The following PPARGC1B variants were observed in gnomAD, a reference collection of about 807,000 sequenced individuals.
PPARGC1B encodes peroxisome proliferator-activated receptor gamma coactivator 1-beta.
PPARGC1B carries 34 observed loss-of-function variants against 101.6 expected under a neutral mutation model. That is an observed-to-expected ratio of 0.33 (90% CI 0.25 to 0.45). PPARGC1B has a LOEUF of 0.45. Ranked by LOEUF, PPARGC1B falls within the 20% of genes least tolerant of loss-of-function variation. PPARGC1B has a pLI of 1.00. For missense variants in PPARGC1B, 1,234 were observed against 1,317.6 expected, an observed-to-expected ratio of 0.94 and a Z score of 0.98; for synonymous variants, 548 against 539.3, an observed-to-expected ratio of 1.02 and a Z score of -0.22.
chr5:149,765,675 G>A (rs561175610), intron 1 of PPARGC1B, among the ~76,000 whole-genome samples: 2 of 152,102 alleles, frequency 1.3e-5, no homozygotes, highest in East Asian at 1.9e-4. Flanking sequence ...TGGCCAACAC[G>A]GGGAAACTCC....
chr5:149,792,645 A>T (rs1179737382), intron 1 of PPARGC1B, among the ~76,000 whole-genome samples: 1 of 152,168 alleles, frequency 6.6e-6, no homozygotes, highest in African/African-American at 2.4e-5. Flanking sequence ...GTGGGATCAT[A>T]TTCATTTCTA....
At chr5:149,777,060 CCTGAGCCTCAGAAGG>C (rs1328080670) in intron 1 of PPARGC1B, among the ~76,000 whole-genome samples, 1 of 152,156 alleles carries the variant, frequency 6.6e-6, no homozygotes, top group Non-Finnish European at 1.5e-5. Flanking sequence ...AGGTGCTGGG[CCTGAGCCTCAGAAGG>C]TAGTGTGGTT....
chr5:149,731,037 G>GC, intron 1 of PPARGC1B, among the ~76,000 whole-genome samples: 1 of 152,356 alleles, frequency 6.6e-6, no homozygotes, highest in South Asian at 2.1e-4. Context: ...ATCGGGCGGA[G>GC]CCCCCTGGGG....
At chr5:149,771,501 G>C (rs563683425) in intron 1 of PPARGC1B, among the ~76,000 whole-genome samples, 10 of 152,336 alleles carry the variant, frequency 6.6e-5, no homozygotes, top group African/African-American at 2.4e-4. Context: ...GGTCTGAAGG[G>C]CTATGGAGAT....
chr5:149,820,252 C>T (rs186962099), intron 1 of PPARGC1B, among the ~76,000 whole-genome samples, 181 bp from the exon 2 acceptor site: 39 of 152,204 alleles, frequency 2.6e-4, no homozygotes, highest in African/African-American at 8.7e-4. Context: ...ACTGCTGGGG[C>T]CTAGCTTAGC....
intron 1 of PPARGC1B, among the ~76,000 whole-genome samples, chr5:149,737,544 T>C (rs1754766584): frequency 6.6e-6 from 1 of 152,212 alleles, no homozygotes; most frequent in African/African-American, 2.4e-5. Context: ...CCATCTTCTG[T>C]GTGGCAGTAC....
intron 1 of PPARGC1B, among the ~76,000 whole-genome samples, chr5:149,758,185 CGTT>C (rs1755604715): frequency 6.6e-6 from 1 of 152,258 alleles, no homozygotes; most frequent in Non-Finnish European, 1.5e-5. Flanking sequence ...TTGGCCAACT[CGTT>C]GGTGTACTCT....
intron 1 of PPARGC1B, among the ~76,000 whole-genome samples, chr5:149,805,304 C>T (rs1757559385): frequency 6.6e-6 from 1 of 152,086 alleles, no homozygotes; most frequent in Non-Finnish European, 1.5e-5. Flanking sequence ...ATCATAGGGT[C>T]CTTAAATAGC....
At chr5:149,749,765 C>G (rs748984944) in intron 1 of PPARGC1B, among the ~76,000 whole-genome samples, 1 of 152,172 alleles carries the variant, frequency 6.6e-6, no homozygotes, top group Non-Finnish European at 1.5e-5. Flanking sequence ...GGTCTCGCCC[C>G]CTCTCTGGCC....
In PPARGC1B at chr5:149,854,330, GGTGTGTGT is replaced by G. The variant is rs140400331; in HGVS notation, c.*6779_*6786del. The G allele has an allele frequency of 6.6e-6, 1 of 151,280 alleles. No individual in the cohort carries two copies. Among genetic ancestry groups the G allele is most frequent in the Admixed American group, 6.6e-5 (1 of 15,154 alleles). 9.4% of individuals were successfully genotyped at this position (151,280 alleles called of 1,614,324 possible). A position where few individuals can be genotyped will look rare whatever the true frequency, so the allele number is the denominator to read the frequency against. On this transcript the variant is annotated 3_prime_UTR_variant, in exon 12 of 12. Coordinates refer to ENST00000309241, the MANE Select transcript of PPARGC1B (RefSeq NM_133263.4). ...AGTGTAAGGCTGTGTTTGTGGTGGGGGTGTGTGTGTGTGTATCTGTGCACACATACACA... is the reference window on the plus strand; with the variant it reads ...AGTGTAAGGCTGTGTTTGTGGTGGGGGTGTGTATCTGTGCACACATACACA...
Position 149,836,417 on chromosome 5 carries a change from G to A in PPARGC1B, c.1962G>A (p.Leu654=), listed in dbSNP as rs755707754. 2 of 1,614,004 alleles carry A rather than the reference G, an allele frequency of 1.2e-6. No homozygotes were observed. The highest frequency in any genetic ancestry group is 4.5e-5 in the East Asian group (2 of 44,882). Reference sequence around the variant, plus strand: ...CCACCCCAGGGGCTGCCCACAAGCTGCCAAAGAAGCACCCAGAGCGAAGTG... The same window carrying A: ...CCACCCCAGGGGCTGCCCACAAGCTACCAAAGAAGCACCCAGAGCGAAGTG... ...LKATPGAAHK[L]PKKHPERSEL... The change falls in exon 8 of 12, where the codon CTG becomes CTA. Residue 654 remains leucine, a synonymous_variant. Coordinates refer to ENST00000309241, the MANE Select transcript of PPARGC1B (RefSeq NM_133263.4).
At chr5:149,751,465 G>A (rs1186296116) in intron 1 of PPARGC1B, among the ~76,000 whole-genome samples, 2 of 152,162 alleles carry the variant, frequency 1.3e-5, no homozygotes, top group Admixed American at 1.3e-4. Flanking sequence ...CAGCACTTTG[G>A]GAGGCCAAGG....
At chr5:149,790,549 T>A (rs1756980615) in intron 1 of PPARGC1B, among the ~76,000 whole-genome samples, 1 of 152,154 alleles carries the variant, frequency 6.6e-6, no homozygotes, top group Admixed American at 6.5e-5. Context: ...CCTTTGAGGC[T>A]TAAAATATTA....
intron 1 of PPARGC1B, among the ~76,000 whole-genome samples, chr5:149,742,191 C>A (rs1224134221): frequency 1.3e-5 from 2 of 152,152 alleles, no homozygotes; most frequent in Non-Finnish European, 2.9e-5. Context: ...CTAGGCCAAC[C>A]CAGAGTTTGT....
chr5:149,772,179 G>A (rs1258175328), intron 1 of PPARGC1B: 3 of 1,607,328 alleles, frequency 1.9e-6, no homozygotes, highest in Admixed American at 1.7e-5. Context: ...GGCGTTGGTG[G>A]TGAAGGCTTT....
chr5:149,798,441 G>T (rs941635871), intron 1 of PPARGC1B, among the ~76,000 whole-genome samples: 7 of 152,176 alleles, frequency 4.6e-5, no homozygotes, highest in Non-Finnish European at 1.0e-4. Context: ...ATGGAGTTCT[G>T]AAAAGAGGCA....
At chr5:149,814,913 C>T (rs953410156) in intron 1 of PPARGC1B, among the ~76,000 whole-genome samples, 1 of 152,220 alleles carries the variant, frequency 6.6e-6, no homozygotes, top group Non-Finnish European at 1.5e-5. Flanking sequence ...GCCAGAGAGG[C>T]CCTACACACG....
chr5:149,760,762 G>A (rs930817069), intron 1 of PPARGC1B, among the ~76,000 whole-genome samples: 2 of 152,202 alleles, frequency 1.3e-5, no homozygotes, highest in Non-Finnish European at 2.9e-5. Context: ...TGAGAGAGGA[G>A]GAGAGGAGTT....
chr5:149,764,216 A>C (rs1755824344), intron 1 of PPARGC1B, among the ~76,000 whole-genome samples: 1 of 152,234 alleles, frequency 6.6e-6, no homozygotes. Context: ...AGTCATTGAT[A>C]GGAGGGCAGA....
Sources: gnomAD v4.1 joint callset for allele counts (sites outside exome capture counted in the v4.1 genomes callset) on GRCh38, gnomAD v4.1.1 for gene constraint, MANE v1.5 for transcripts, NCBI Gene and HGNC (gene_info 2026-07-23, HGNC 2026-07-21) for gene names.